The following RUNX1T1 variants were observed in gnomAD, a reference collection of about 807,000 sequenced individuals.
RUNX1T1 encodes RUNX1 partner transcriptional co-repressor 1.
Under a neutral mutation model 62.8 loss-of-function variants are expected in RUNX1T1, and 4 were observed. That is an observed-to-expected ratio of 0.06 (90% CI 0.03 to 0.15). RUNX1T1 has a LOEUF of 0.15. Among genes scored for constraint, RUNX1T1 ranks in the 10% least tolerant of loss-of-function variants. The pLI, the probability that RUNX1T1 is intolerant of heterozygous loss-of-function variation, is 1.00. For synonymous variants in RUNX1T1, 291 were observed against 286.0 expected (o/e 1.02, Z -0.18); for missense variants, 508 against 754.3 (o/e 0.67, Z 3.82).
chr8:92,037,718 A>T (rs978256726), intron 1 of RUNX1T1, among the ~76,000 whole-genome samples: 10 of 152,164 alleles, frequency 6.6e-5, no homozygotes, highest in South Asian at 4.1e-4. Context: ...CCTCTGCTTT[A>T]AAAGCAGAGG....
At chr8:92,061,156 T>C (rs1304161907) in intron 1 of RUNX1T1, among the ~76,000 whole-genome samples, 3 of 152,220 alleles carry the variant, frequency 2.0e-5, no homozygotes, top group Non-Finnish European at 4.4e-5. Flanking sequence ...AATTCACAAA[T>C]GGCTTTGGTT....
intron 1 of RUNX1T1, among the ~76,000 whole-genome samples, chr8:92,059,402 G>GT (rs1400164223): frequency 1.3e-5 from 2 of 151,974 alleles, no homozygotes; most frequent in Non-Finnish European, 1.5e-5. Context: ...TTTCATTTCT[G>GT]TTTTTTTACA....
intron 6 of RUNX1T1, 30 bp downstream of exon 7, chr8:91,991,609 G>A (rs769497319): frequency 1.3e-5 from 21 of 1,596,072 alleles, no homozygotes; most frequent in Middle Eastern, 1.7e-4. Context: ...ACCCAATCCC[G>A]TAAGAAGTGA....
At chr8:92,044,561 C>A (rs571002687) in intron 1 of RUNX1T1, among the ~76,000 whole-genome samples, 2 of 152,172 alleles carry the variant, frequency 1.3e-5, no homozygotes, top group African/African-American at 4.8e-5. Context: ...TGTTCCATTG[C>A]GGGACTCTAT....
intron 1 of RUNX1T1, among the ~76,000 whole-genome samples, chr8:92,058,123 T>C (rs74916803): frequency 0.014 from 2,179 of 152,220 alleles, 52 homozygotes; most frequent in African/African-American, 0.049. Context: ...ATCTACTATG[T>C]TCAGGCCCTG....
Position 92,080,588 on chromosome 8 carries a change from T to C in RUNX1T1, c.-85-4451A>G, listed in dbSNP as rs950050418. ...ATCTCACAATTGAGCATGTCAGCTG[T>C]TGTAGAAATGAGATCCAATCTTAAT... On this transcript the variant is annotated intron_variant, in intron 1 of 11. Coordinates refer to the RUNX1T1 transcript ENST00000265814. Among the ~76,000 whole-genome samples the C allele has an allele frequency of 2.0e-5, 3 of 152,334 alleles. 1 individual carries two copies. In the South Asian group the frequency reaches 6.2e-4, roughly 32 times the overall value.
At chr8:92,057,793 T>C (rs1831277604) in intron 1 of RUNX1T1, among the ~76,000 whole-genome samples, 1 of 152,170 alleles carries the variant, frequency 6.6e-6, no homozygotes, top group African/African-American at 2.4e-5. Context: ...TCATTTAAGT[T>C]AATGATTTAT....
chr8:91,986,460 C>T, intron 7 of RUNX1T1, 135 bp from the exon 9 acceptor site: 1 of 669,908 alleles, frequency 1.5e-6, no homozygotes, highest in Non-Finnish European at 2.6e-6. Context: ...CTAGTATTTT[C>T]TATGACTAGA....
chr8:91,963,669 C>T (rs1485609898), intron 10 of RUNX1T1, among the ~76,000 whole-genome samples: 2 of 152,166 alleles, frequency 1.3e-5, no homozygotes, highest in Non-Finnish European at 2.9e-5. Flanking sequence ...CTACTGTTCA[C>T]AAAGGTGGAA....
chr8:92,084,986 A>T (rs938742444), intron 1 of RUNX1T1, among the ~76,000 whole-genome samples: 8 of 152,240 alleles, frequency 5.3e-5, no homozygotes, highest in African/African-American at 1.9e-4. Flanking sequence ...CATAGCCATC[A>T]AGTCAGATGC....
chr8:91,984,963 A>G (rs1410246386), intron 8 of RUNX1T1, among the ~76,000 whole-genome samples: 1 of 152,220 alleles, frequency 6.6e-6, no homozygotes, highest in Admixed American at 6.5e-5. Flanking sequence ...GGCATTCGGC[A>G]TTCAGAGATC....
chr8:92,044,177 A>C (rs1485208356), intron 1 of RUNX1T1, among the ~76,000 whole-genome samples: 1 of 152,160 alleles, frequency 6.6e-6, no homozygotes, highest in Non-Finnish European at 1.5e-5. Flanking sequence ...TGCTCTTAAA[A>C]ATCCTTGATA....
At chr8:92,091,250 C>G (rs998678869) in intron 1 of RUNX1T1, among the ~76,000 whole-genome samples, 6 of 152,160 alleles carry the variant, frequency 3.9e-5, no homozygotes, top group Non-Finnish European at 8.8e-5. Context: ...TGAAACCGAC[C>G]AAAACAAATG....
At chr8:92,102,710 T>C, upstream of RUNX1T1, 3 of 769,070 alleles carry the variant, frequency 3.9e-6, no homozygotes, top group Non-Finnish European at 5.6e-6. This position sits in a 1 kb window ranked among gnomAD's most constrained non-coding sequence, Gnocchi z 4.5. Flanking sequence ...TGCGTAGTCC[T>C]ACCCTAATTG....
chr8:92,005,488 G>A, intron 4 of RUNX1T1, 191 bp from the exon 6 acceptor site: 2 of 550,542 alleles, frequency 3.6e-6, no homozygotes, highest in Non-Finnish European at 6.3e-6. Flanking sequence ...TGCCCTAAGT[G>A]TGAGGTGACT....
exon 11 of RUNX1T1, chr8:91,960,060 T>G: frequency 1.6e-6 from 1 of 627,928 alleles, no homozygotes; most frequent in Non-Finnish European, 2.8e-6. Context: ...GACCCGTTAC[T>G]GGCCCTCTGT....
intron 1 of RUNX1T1, among the ~76,000 whole-genome samples, chr8:92,036,292 AAATT>A (rs1003601439): frequency 2.6e-5 from 4 of 152,234 alleles, no homozygotes; most frequent in Admixed American, 6.5e-5. Flanking sequence ...TTTGTCAGAT[AAATT>A]AATTATGAAA....
intron 8 of RUNX1T1, 165 bp from the exon 10 acceptor site, chr8:91,976,138 G>A: frequency 1.8e-6 from 1 of 568,280 alleles, no homozygotes; most frequent in Non-Finnish European, 3.2e-6. Context: ...CATAAAAATA[G>A]CAAGGCCTGT....
chr8:92,014,978 T>C (rs1271448460), intron 2 of RUNX1T1, among the ~76,000 whole-genome samples, 158 bp from the exon 4 acceptor site: 1 of 152,196 alleles, frequency 6.6e-6, no homozygotes, highest in Non-Finnish European at 1.5e-5. Context: ...GGTTACTACA[T>C]TCTCAGGTAC....
Sources: allele counts gnomAD v4.1 joint callset (sites outside exome capture counted in the v4.1 genomes callset), GRCh38; gene constraint gnomAD v4.1.1; non-coding constraint Gnocchi (gnomAD v3.1); transcripts MANE v1.5; gene names NCBI Gene and HGNC (gene_info 2026-07-23, HGNC 2026-07-21).